CNTNAP2: variants seen among roughly 807,000 people sequenced by gnomAD.
CNTNAP2 encodes contactin-associated protein-like 2.
In CNTNAP2, 98 loss-of-function variants were observed where a neutral mutation model predicts 155.2. The ratio of observed to expected loss-of-function variants is 0.63; its 90% CI spans 0.54 to 0.75. The LOEUF (loss-of-function observed/expected upper bound fraction) is 0.75, where lower values mean the gene tolerates loss of function less well. Among genes scored for constraint, CNTNAP2 ranks in the 30% least tolerant of loss-of-function variants. The pLI, the probability that CNTNAP2 is intolerant of heterozygous loss-of-function variation, is 0.00. For missense variants in CNTNAP2, 1,727 were observed against 1,688.1 expected (o/e 1.02, Z -0.40); for synonymous variants, 651 against 631.2 (o/e 1.03, Z -0.47).
intron 1 of CNTNAP2, among the ~76,000 whole-genome samples, chr7:146,626,603 T>C (rs913993131): frequency 6.6e-6 from 1 of 152,174 alleles, no homozygotes; most frequent in Admixed American, 6.6e-5. Context: ...ATATCATTGA[T>C]AATGGAAACT....
At chr7:146,954,792 C>A (rs1797399448) in intron 3 of CNTNAP2, among the ~76,000 whole-genome samples, 1 of 151,902 alleles carries the variant, frequency 6.6e-6, no homozygotes, top group African/African-American at 2.4e-5. Context: ...CAATTCACCC[C>A]AAATTATTTT....
chr7:146,939,823 A>G (rs1797008181), intron 3 of CNTNAP2, among the ~76,000 whole-genome samples: 1 of 152,196 alleles, frequency 6.6e-6, no homozygotes, highest in African/African-American at 2.4e-5. Context: ...TGCAAGGGAA[A>G]CCAAAATGCA....
intron 12 of CNTNAP2, among the ~76,000 whole-genome samples, chr7:147,606,662 G>A (rs944360961): frequency 6.6e-6 from 1 of 152,194 alleles, no homozygotes; most frequent in Non-Finnish European, 1.5e-5. Context: ...CCTTAACAGA[G>A]TAGTGGCTAC....
intron 10 of CNTNAP2, among the ~76,000 whole-genome samples, chr7:147,447,252 C>T (rs1330245744): frequency 5.9e-5 from 9 of 152,090 alleles, no homozygotes; most frequent in Admixed American, 5.9e-4. Context: ...CTCTTGTGTA[C>T]ATGCTCTACA....
At chr7:146,379,096 C>A (rs1371887789) in intron 1 of CNTNAP2, among the ~76,000 whole-genome samples, 1 of 152,196 alleles carries the variant, frequency 6.6e-6, no homozygotes, top group Non-Finnish European at 1.5e-5. Context: ...AGGAGACTTG[C>A]CTATCTTGAG....
intron 14 of CNTNAP2, among the ~76,000 whole-genome samples, chr7:147,957,435 G>A (rs1801036191): frequency 6.6e-6 from 1 of 152,104 alleles, no homozygotes; most frequent in African/African-American, 2.4e-5. Context: ...TAAATGAAAT[G>A]GAAAATTAAA....
At chr7:146,500,704 C>T (rs879897489) in intron 1 of CNTNAP2, among the ~76,000 whole-genome samples, 2 of 152,126 alleles carry the variant, frequency 1.3e-5, no homozygotes, top group Middle Eastern at 3.4e-3. Context: ...AATTTCGGTA[C>T]CTTTGATTTA....
At chr7:147,639,909 T>C (rs559366687) in intron 13 of CNTNAP2, among the ~76,000 whole-genome samples, 20 of 152,174 alleles carry the variant, frequency 1.3e-4, no homozygotes, top group Non-Finnish European at 2.6e-4. Flanking sequence ...CCAAAAGATA[T>C]ACTGGAAATA....
intron 1 of CNTNAP2, among the ~76,000 whole-genome samples, chr7:146,491,429 T>C (rs1365730925): frequency 6.6e-6 from 1 of 152,182 alleles, no homozygotes; most frequent in Non-Finnish European, 1.5e-5. Flanking sequence ...GTAAGTTTTA[T>C]TGCCTTTAAT....
chr7:147,041,331 C>T (rs1445739781), intron 3 of CNTNAP2, among the ~76,000 whole-genome samples: 6 of 152,010 alleles, frequency 3.9e-5, no homozygotes, highest in African/African-American at 1.2e-4. Context: ...TACCAATAAG[C>T]GCATCAAATC....
chr7:147,093,076 T>C (rs565763716), intron 4 of CNTNAP2, among the ~76,000 whole-genome samples: 2 of 147,222 alleles, frequency 1.4e-5, no homozygotes, highest in South Asian at 2.1e-4. Context: ...CAAATACATA[T>C]ATATATATAT....
At chr7:147,539,360 T>A (rs560135153) in intron 11 of CNTNAP2, among the ~76,000 whole-genome samples, 36 of 152,134 alleles carry the variant, frequency 2.4e-4, no homozygotes, top group African/African-American at 7.7e-4. Context: ...ATAATGGAAC[T>A]GGGACACTAA....
intron 1 of CNTNAP2, among the ~76,000 whole-genome samples, chr7:146,231,534 A>G (rs1195722578): frequency 2.0e-5 from 3 of 152,238 alleles, no homozygotes; most frequent in East Asian, 1.9e-4. Context: ...TAGAATGAGC[A>G]TAAAATATAA....
chr7:146,751,610 T>C (rs1801904673), intron 1 of CNTNAP2, among the ~76,000 whole-genome samples: 1 of 152,190 alleles, frequency 6.6e-6, no homozygotes, highest in East Asian at 1.9e-4. Context: ...TTCCTCTTTT[T>C]TTTATTTTTA....
At chr7:147,780,245 T>C (rs974003670) in intron 13 of CNTNAP2, among the ~76,000 whole-genome samples, 1 of 152,224 alleles carries the variant, frequency 6.6e-6, no homozygotes, top group Non-Finnish European at 1.5e-5. Flanking sequence ...ATATTGGTCC[T>C]CACTGCTCAG....
intron 1 of CNTNAP2, among the ~76,000 whole-genome samples, chr7:146,131,654 C>T (rs959296354): frequency 1.5e-4 from 23 of 152,132 alleles, no homozygotes; most frequent in Admixed American, 1.4e-3. Flanking sequence ...ATCTTTGCGG[C>T]TTAACTTTGC....
chr7:148,123,594 GAGGAAGGGAGAGA>G (rs1485857963), intron 16 of CNTNAP2, among the ~76,000 whole-genome samples: 1 of 150,372 alleles, frequency 6.7e-6, no homozygotes, highest in Non-Finnish European at 1.5e-5. Flanking sequence ...GCGAGACCTC[GAGGAAGGGAGAGA>G]AGGAAGGGAG....
At chr7:146,953,334 T>C (rs1797360778) in intron 3 of CNTNAP2, among the ~76,000 whole-genome samples, 1 of 152,018 alleles carries the variant, frequency 6.6e-6, no homozygotes, top group African/African-American at 2.4e-5. Flanking sequence ...ATTTAGTGTG[T>C]ATGTCACTAG....
At chr7:146,421,885 A>G (rs1244135570) in intron 1 of CNTNAP2, among the ~76,000 whole-genome samples, 1 of 128,040 alleles carries the variant, frequency 7.8e-6, no homozygotes, top group Non-Finnish European at 1.6e-5. Flanking sequence ...ATATAAACAA[A>G]TATAGACAGA....
Sources: gnomAD v4.1 joint callset for allele counts (sites outside exome capture counted in the v4.1 genomes callset) on GRCh38, gnomAD v4.1.1 for gene constraint, MANE v1.5 for transcripts, NCBI Gene and HGNC (gene_info 2026-07-23, HGNC 2026-07-21) for gene names.